Variants in GRM8 observed in about 807,000 individuals in gnomAD.
GRM8 encodes metabotropic glutamate receptor 8.
GRM8 carries 47 observed loss-of-function variants against 87.2 expected under a neutral mutation model. The observed-to-expected ratio is 0.54, with a 90% CI of 0.43 to 0.69. The LOEUF is 0.69. GRM8 is among the 30% of genes least tolerant of loss of function. The probability of loss-of-function intolerance (pLI) is 0.00; values close to 1 mark genes in which losing one functional copy is unlikely to be tolerated. For synonymous variants in GRM8, 396 were observed against 404.5 expected (o/e 0.98, Z 0.25); for missense variants, 1,019 against 1,139.2 (o/e 0.89, Z 1.52).
intron 9 of GRM8, among the ~76,000 whole-genome samples, chr7:126,498,243 A>G (rs1260019734): frequency 6.6e-6 from 1 of 151,984 alleles, no homozygotes; most frequent in Non-Finnish European, 1.5e-5. Flanking sequence ...GTTCTGATGT[A>G]TATTTGTACC....
At position 127,103,981 on chromosome 7, in the gene GRM8, A is replaced by AT. The variant is rs201259376; in HGVS notation, c.727+2514dup. ...CGCAAAGGACACTTTCCCAAGTCTG[A>AT]TTTTTTTAAAATGAAAAACATTCTA... On this transcript the variant is annotated intron_variant, in intron 3 of 10. Transcript: ENST00000339582. Among the ~76,000 whole-genome samples, 10 of 152,312 alleles carry AT rather than the reference A, an allele frequency of 6.6e-5. No individual in the cohort carries two copies. In the East Asian group the frequency reaches 1.7e-3, roughly 26 times the overall value.
chr7:126,776,108 T>C (rs28409907), intron 6 of GRM8, among the ~76,000 whole-genome samples: 2,893 of 152,258 alleles, frequency 0.019, 96 homozygotes, highest in African/African-American at 0.066. Flanking sequence ...GCTTAAATAC[T>C]GAATATTGTT....
At chr7:127,191,684 T>C (rs893889468) in intron 2 of GRM8, among the ~76,000 whole-genome samples, 2 of 152,334 alleles carry the variant, frequency 1.3e-5, no homozygotes, top group South Asian at 2.1e-4. Flanking sequence ...AAATTGCTTG[T>C]GTACTACCAG....
At chr7:126,717,931 T>C (rs1320390043) in intron 7 of GRM8, among the ~76,000 whole-genome samples, 2 of 152,122 alleles carry the variant, frequency 1.3e-5, no homozygotes, top group Non-Finnish European at 2.9e-5. Flanking sequence ...AATGGTGATG[T>C]CTTTAATAAC....
At chr7:126,625,023 A>G (rs1427574094) in intron 7 of GRM8, among the ~76,000 whole-genome samples, 1 of 152,160 alleles carries the variant, frequency 6.6e-6, no homozygotes, top group Admixed American at 6.5e-5. Context: ...TTGTCAGTCT[A>G]TTTCTTCCAG....
At chr7:127,089,694 C>A (rs771764103) in intron 3 of GRM8, among the ~76,000 whole-genome samples, 1 of 152,200 alleles carries the variant, frequency 6.6e-6, no homozygotes. Context: ...CATTTAAGTC[C>A]TGTCTGAGAC....
chr7:127,122,958 T>A (rs1339748899), intron 2 of GRM8, among the ~76,000 whole-genome samples: 1 of 151,712 alleles, frequency 6.6e-6, no homozygotes, highest in Non-Finnish European at 1.5e-5. Flanking sequence ...GTGGCTTGAG[T>A]CAACGTTGAA....
intron 6 of GRM8, among the ~76,000 whole-genome samples, chr7:126,779,146 C>T (rs1029353093): frequency 6.6e-6 from 1 of 151,964 alleles, no homozygotes; most frequent in East Asian, 1.9e-4. Flanking sequence ...AATCATTCAA[C>T]AGATTAATAT....
intron 2 of GRM8, among the ~76,000 whole-genome samples, chr7:127,223,452 C>T (rs896919703): frequency 3.4e-4 from 13 of 38,014 alleles, no homozygotes; most frequent in Non-Finnish European, 5.5e-4. Flanking sequence ...CGCACACACA[C>T]ACACACACAC....
chr7:126,973,034 G>A (rs1340289746), intron 3 of GRM8, among the ~76,000 whole-genome samples: 1 of 152,104 alleles, frequency 6.6e-6, no homozygotes, highest in African/African-American at 2.4e-5. Context: ...ACTTTATTAG[G>A]TCCTATCTTT....
At chr7:126,686,577 C>G (rs1016827245) in intron 7 of GRM8, among the ~76,000 whole-genome samples, 1 of 152,184 alleles carries the variant, frequency 6.6e-6, no homozygotes, top group African/African-American at 2.4e-5. Flanking sequence ...TGTAGCCTCA[C>G]AGAGAGCCAG....
chr7:126,628,204 T>C (rs987941013), intron 7 of GRM8, among the ~76,000 whole-genome samples: 6 of 152,072 alleles, frequency 3.9e-5, no homozygotes, highest in African/African-American at 1.4e-4. Flanking sequence ...TGTGCCACCA[T>C]GCCCAGCTAA....
chr7:126,836,508 G>GTCTCATCACCTATTCTCT lies in GRM8; in HGVS notation c.1156+66016_1156+66033dup, dbSNP rs566969444. Among the ~76,000 whole-genome samples the GTCTCATCACCTATTCTCT allele has an allele frequency of 1.2e-3, 185 of 152,126 alleles. 3 individuals are homozygous for GTCTCATCACCTATTCTCT. In the South Asian group the frequency reaches 0.021, roughly 17 times the overall value. ...GAGCTGCCCCCTGCCTCTCTTTTCA[G>GTCTCATCACCTATTCTCT]TCTCATCACCTATTCTCTCCTCCTC... On this transcript the variant is annotated intron_variant, in intron 6 of 10. Transcript: ENST00000339582.
intron 3 of GRM8, among the ~76,000 whole-genome samples, chr7:127,037,156 G>A (rs1479881366): frequency 1.3e-5 from 2 of 152,084 alleles, no homozygotes; most frequent in African/African-American, 4.8e-5. Flanking sequence ...TTTAACCAAT[G>A]TTTGAATCAT....
intron 7 of GRM8, among the ~76,000 whole-genome samples, chr7:126,729,946 T>C (rs1326670267): frequency 2.0e-5 from 3 of 152,136 alleles, no homozygotes; most frequent in Non-Finnish European, 2.9e-5. Context: ...GGAGCAAAAG[T>C]CTGTGTTCCA....
At chr7:127,169,017 TCTAA>T (rs1437340408) in intron 2 of GRM8, among the ~76,000 whole-genome samples, 3 of 149,160 alleles carry the variant, frequency 2.0e-5, no homozygotes, top group Admixed American at 6.7e-5. Flanking sequence ...AAAAAAAACC[TCTAA>T]CTTTTAATAA....
intron 9 of GRM8, among the ~76,000 whole-genome samples, chr7:126,516,769 C>T (rs1812229202): frequency 6.6e-6 from 1 of 152,048 alleles, no homozygotes; most frequent in Non-Finnish European, 1.5e-5. Flanking sequence ...AATACTGTTA[C>T]TTGTATATAT....
chr7:127,149,868 G>A (rs1260249610), intron 2 of GRM8, among the ~76,000 whole-genome samples: 1 of 151,964 alleles, frequency 6.6e-6, no homozygotes, highest in Non-Finnish European at 1.5e-5. Context: ...ACAAAACAGT[G>A]GTTATGGGGT....
chr7:126,463,291 T>C (rs1047050565), intron 9 of GRM8, among the ~76,000 whole-genome samples: 1 of 151,608 alleles, frequency 6.6e-6, no homozygotes, highest in African/African-American at 2.4e-5. Context: ...AATAAAATTG[T>C]ATACTCAGTG....
Sources: allele counts gnomAD v4.1 joint callset (sites outside exome capture counted in the v4.1 genomes callset), GRCh38; gene constraint gnomAD v4.1.1; transcripts MANE v1.5; gene names NCBI Gene and HGNC (gene_info 2026-07-23, HGNC 2026-07-21).